CDK19: variants seen among roughly 807,000 people sequenced by gnomAD.
CDK19 encodes the protein cyclin dependent kinase 19.
CDK19 carries 20 observed loss-of-function variants against 68.3 expected under a neutral mutation model. The observed-to-expected ratio is 0.29, with a 90% confidence interval of 0.21 to 0.43. The LOEUF is 0.43. Ranked by LOEUF, CDK19 falls within the 20% of genes least tolerant of loss-of-function variation. CDK19 has a pLI of 1.00. For synonymous variants in CDK19, 221 were observed against 222.8 expected (o/e 0.99, Z 0.07); for missense variants, 339 against 623.5 (o/e 0.54, Z 4.86).
At chr6:110,769,430 T>C (rs893389007) in intron 1 of CDK19, among the ~76,000 whole-genome samples, 2 of 151,600 alleles carry the variant, frequency 1.3e-5, no homozygotes, top group Non-Finnish European at 2.9e-5. Context: ...CCGGGCATAG[T>C]GGTACATGCC....
At chr6:110,793,260 C>G (rs1781719828) in intron 1 of CDK19, among the ~76,000 whole-genome samples, 1 of 152,020 alleles carries the variant, frequency 6.6e-6, no homozygotes, top group African/African-American at 2.4e-5. Context: ...TGACAGTAAA[C>G]TAAACAAGGA....
intron 2 of CDK19, among the ~76,000 whole-genome samples, chr6:110,744,029 T>C (rs1777886772): frequency 6.7e-6 from 1 of 150,326 alleles, no homozygotes; most frequent in African/African-American, 2.5e-5. Flanking sequence ...TTTTTTTTTT[T>C]TTGAGACAGA....
At chr6:110,760,969 A>G (rs894279588) in intron 1 of CDK19, among the ~76,000 whole-genome samples, 3 of 152,208 alleles carry the variant, frequency 2.0e-5, no homozygotes, top group African/African-American at 7.2e-5. Flanking sequence ...CCAGTCTCAC[A>G]GGCAAGACAG....
chr6:110,666,604 C>G (rs934055907), intron 4 of CDK19, among the ~76,000 whole-genome samples: 2 of 152,008 alleles, frequency 1.3e-5, no homozygotes, highest in African/African-American at 4.8e-5. Flanking sequence ...TAACTAGATC[C>G]TTTCGTCAAT....
At chr6:110,723,522 C>T (rs114651039) in intron 2 of CDK19, among the ~76,000 whole-genome samples, 5 of 152,220 alleles carry the variant, frequency 3.3e-5, no homozygotes, top group African/African-American at 9.6e-5. Context: ...AAAGTTAACC[C>T]CATCTCTAAA....
At chr6:110,749,859 G>A (rs1317348173) in intron 1 of CDK19, among the ~76,000 whole-genome samples, 2 of 108,984 alleles carry the variant, frequency 1.8e-5, no homozygotes, top group Non-Finnish European at 4.1e-5. Context: ...TGCAACCTCC[G>A]CCTCCCAGGT....
intron 5 of CDK19, among the ~76,000 whole-genome samples, chr6:110,638,123 T>C (rs1779901192): frequency 6.6e-6 from 1 of 152,192 alleles, no homozygotes; most frequent in Non-Finnish European, 1.5e-5. Context: ...ATCCTGCCAG[T>C]GCCTCAATCT....
At chr6:110,641,327 G>A (rs1274398538) in intron 4 of CDK19, among the ~76,000 whole-genome samples, 4 of 152,132 alleles carry the variant, frequency 2.6e-5, no homozygotes, top group African/African-American at 9.7e-5. Context: ...TGGGTGCAGT[G>A]GCTGACACCT....
chr6:110,643,853 G>T (rs1780360704), intron 4 of CDK19, among the ~76,000 whole-genome samples: 1 of 151,982 alleles, frequency 6.6e-6, no homozygotes, highest in Non-Finnish European at 1.5e-5. Context: ...GTGGCAGAAG[G>T]ATCACCTGAA....
At chr6:110,653,504 C>G (rs1458535921) in intron 4 of CDK19, among the ~76,000 whole-genome samples, 1 of 152,216 alleles carries the variant, frequency 6.6e-6, no homozygotes, top group Non-Finnish European at 1.5e-5. Flanking sequence ...AACTCCTCTT[C>G]TTACTGTGAA....
chr6:110,691,967 AAAAG>A (rs956573066), intron 2 of CDK19, among the ~76,000 whole-genome samples: 4 of 151,614 alleles, frequency 2.6e-5, no homozygotes, highest in South Asian at 2.1e-4. Context: ...TTTTAAAAAA[AAAAG>A]AAAGAAAAAT....
At chr6:110,643,503 CAATTGGCTGGATGAA>C (rs1487792488) in intron 4 of CDK19, among the ~76,000 whole-genome samples, 28 of 152,256 alleles carry the variant, frequency 1.8e-4, no homozygotes, top group Admixed American at 1.3e-3. Flanking sequence ...AAAATTAAAA[CAATTGGCTGGATGAA>C]GTGGCTCAAT....
intron 12 of CDK19, among the ~76,000 whole-genome samples, chr6:110,617,813 C>A (rs748188539): frequency 1.2e-4 from 15 of 127,624 alleles, no homozygotes; most frequent in African/African-American, 4.5e-4. Context: ...GCCAAGATCA[C>A]GTCACCGCAC....
intron 2 of CDK19, among the ~76,000 whole-genome samples, chr6:110,690,876 T>C (rs1432824685): frequency 6.6e-6 from 1 of 151,800 alleles, no homozygotes; most frequent in Non-Finnish European, 1.5e-5. Flanking sequence ...TTATAAAAAG[T>C]CAAATAAAAA....
intron 1 of CDK19, among the ~76,000 whole-genome samples, chr6:110,749,759 A>G (rs1005338679): frequency 1.3e-5 from 2 of 152,040 alleles, no homozygotes; most frequent in African/African-American, 2.4e-5. Context: ...TTGCCTCATC[A>G]TATGAATGAC....
chr6:110,674,786 T>C (rs1055220400), intron 2 of CDK19, among the ~76,000 whole-genome samples: 3 of 151,428 alleles, frequency 2.0e-5, no homozygotes, highest in Admixed American at 1.3e-4. Context: ...CCTGTAATGC[T>C]AGCTACTCGA....
intron 1 of CDK19, among the ~76,000 whole-genome samples, chr6:110,788,753 T>G (rs971947188): frequency 1.3e-5 from 2 of 152,218 alleles, no homozygotes; most frequent in East Asian, 3.8e-4. Flanking sequence ...TTTTTCTTTT[T>G]TTTTATGATC....
chr6:110,789,446 T>C (rs1476594127), intron 1 of CDK19, among the ~76,000 whole-genome samples: 1 of 152,100 alleles, frequency 6.6e-6, no homozygotes, highest in Non-Finnish European at 1.5e-5. Context: ...GCCCAGCTAA[T>C]TTTTGTATTT....
intron 1 of CDK19, chr6:110,773,735 G>C (rs1157224870): frequency 6.6e-6 from 1 of 151,816 alleles, no homozygotes; most frequent in East Asian, 1.9e-4. Flanking sequence ...TATTATCTTG[G>C]TTTTAAATTT....
Sources: gnomAD v4.1 joint callset for allele counts (sites outside exome capture counted in the v4.1 genomes callset) on GRCh38, gnomAD v4.1.1 for gene constraint, MANE v1.5 for transcripts, NCBI Gene and HGNC (gene_info 2026-07-23, HGNC 2026-07-21) for gene names.